MAPK10: variants seen among roughly 807,000 people sequenced by gnomAD.
MAPK10 encodes mitogen-activated protein kinase 10, also known as JNK3 alpha protein kinase.
A neutral mutation model predicts 59.3 loss-of-function variants in MAPK10; 25 were observed. The ratio of observed to expected loss-of-function variants is 0.42; its 90% CI spans 0.31 to 0.59. MAPK10 has a LOEUF of 0.59. MAPK10 is among the 20% of genes least tolerant of loss of function. MAPK10 has a pLI of 0.15. For missense variants in MAPK10, 351 were observed against 568.9 expected (o/e 0.62, Z 3.90); for synonymous variants, 190 against 200.5 (o/e 0.95, Z 0.44).
chr4:86,407,476 C>T (rs1258726617), intron 1 of MAPK10, among the ~76,000 whole-genome samples: 1 of 152,112 alleles, frequency 6.6e-6, no homozygotes, highest in African/African-American at 2.4e-5. Flanking sequence ...GAATGAAAGG[C>T]ACGGCTAGAA....
intron 2 of MAPK10, among the ~76,000 whole-genome samples, chr4:86,196,027 A>G (rs113130106): frequency 0.017 from 2,633 of 152,342 alleles, 100 homozygotes; most frequent in African/African-American, 0.059. Context: ...TGCAATAAAC[A>G]TAAGTGTGCA....
At chr4:86,197,400 C>T (rs1040154268) in intron 2 of MAPK10, among the ~76,000 whole-genome samples, 1 of 152,136 alleles carries the variant, frequency 6.6e-6, no homozygotes, top group African/African-American at 2.4e-5. Context: ...GATTTTTGCA[C>T]ATTAATTTTG....
At chr4:86,172,326 G>A (rs1304228780) in intron 3 of MAPK10, among the ~76,000 whole-genome samples, 2 of 145,992 alleles carry the variant, frequency 1.4e-5, no homozygotes, top group Non-Finnish European at 3.0e-5. Context: ...AACCAACCCA[G>A]ATGTTCAACA....
At chr4:86,326,246 G>A (rs1457865801) in intron 2 of MAPK10, 1 of 152,238 alleles carries the variant, frequency 6.6e-6, no homozygotes, top group African/African-American at 2.4e-5. Flanking sequence ...CACAGGGGCA[G>A]AAGATGAGGC....
At chr4:86,194,014 C>G in intron 3 of MAPK10, 1 of 293,868 alleles carries the variant, frequency 3.4e-6, no homozygotes, top group Non-Finnish European at 6.4e-6. Context: ...TTCCCTGACC[C>G]CTTGCACTTC....
At chr4:86,513,013 C>A (rs1254834615) in intron 1 of MAPK10, among the ~76,000 whole-genome samples, 1 of 152,150 alleles carries the variant, frequency 6.6e-6, no homozygotes, top group African/African-American at 2.4e-5. Flanking sequence ...AGTTAACAAT[C>A]AGAACCTTCT....
At chr4:86,247,488 C>T (rs2093170397) in intron 2 of MAPK10, among the ~76,000 whole-genome samples, 1 of 152,192 alleles carries the variant, frequency 6.6e-6, no homozygotes, top group African/African-American at 2.4e-5. Context: ...TTATTGAGCA[C>T]TTACTCTGTC....
chr4:86,319,747 G>A (rs1680702521), intron 2 of MAPK10, among the ~76,000 whole-genome samples: 1 of 152,146 alleles, frequency 6.6e-6, no homozygotes, highest in South Asian at 2.1e-4. Context: ...ATGTCCCCAG[G>A]GGCAATCTTC....
At chr4:86,512,789 T>C (rs1756375978) in intron 1 of MAPK10, among the ~76,000 whole-genome samples, 1 of 152,206 alleles carries the variant, frequency 6.6e-6, no homozygotes, top group East Asian at 1.9e-4. Flanking sequence ...GGGATAAGTT[T>C]CATGACTGAT....
At position 86,014,306 on chromosome 4, in the gene MAPK10, GTGTGTGTGT is replaced by G; in HGVS notation, c.*2913_*2921del. On this transcript the variant is annotated 3_prime_UTR_variant, in exon 14 of 14. Transcript: ENST00000641462. ...TGACTATTTAAGAAATATTTGGGGT[GTGTGTGTGT>G]GTGTGTGTGTGTGTGTGTGTGTGTG... 1.5e-5 allele frequency: 1 copy of G among 67,230 alleles called. No homozygotes were observed. Among genetic ancestry groups the G allele is most frequent in the African/African-American group, 6.1e-5 (1 of 16,282 alleles). 4.2% of individuals were successfully genotyped at this position (67,230 alleles called of 1,614,324 possible).
At chr4:86,522,864 C>G (rs561646603) in intron 1 of MAPK10, among the ~76,000 whole-genome samples, 1 of 152,350 alleles carries the variant, frequency 6.6e-6, no homozygotes, top group South Asian at 2.1e-4. Context: ...TTGTGACTTA[C>G]AGTTGTTACA....
In MAPK10 at chr4:86,067,923, G is replaced by T; in HGVS notation, c.835C>A (p.Leu279Ile). ...IDQWNKVIEQ[L>I]GTPCPEFMKK... is the part of the protein sequence containing the mutation. Reference sequence around the variant, plus strand: ...ATGAATTCTGGACATGGTGTTCCTAGTTGTTCAATTACCTTATTCCACTGG... The same window carrying T: ...ATGAATTCTGGACATGGTGTTCCTATTTGTTCAATTACCTTATTCCACTGG... The change falls in exon 10 of 14, where the codon CTA becomes ATA. Residue 279 changes from leucine to isoleucine, a missense_variant. Transcript: ENST00000641462. 1 of 1,613,084 alleles carries T rather than the reference G, an allele frequency of 6.2e-7. No individual in the cohort carries two copies. The highest frequency in any genetic ancestry group is 1.7e-5 in the Admixed American group (1 of 59,950).
intron 2 of MAPK10, among the ~76,000 whole-genome samples, chr4:86,269,149 G>A (rs947889626): frequency 2.0e-5 from 3 of 152,074 alleles, no homozygotes; most frequent in Non-Finnish European, 4.4e-5. Flanking sequence ...GTAAATAAAC[G>A]ATTGCCTGCA....
At chr4:86,058,349 C>G (rs1162593522) in intron 11 of MAPK10, among the ~76,000 whole-genome samples, 2 of 149,446 alleles carry the variant, frequency 1.3e-5, no homozygotes, top group Non-Finnish European at 3.0e-5. Flanking sequence ...TGTCCTCCCC[C>G]TTTCTTTAGT....
At chr4:86,223,483 A>T (rs1330096843) in intron 2 of MAPK10, among the ~76,000 whole-genome samples, 2 of 152,226 alleles carry the variant, frequency 1.3e-5, no homozygotes, top group East Asian at 3.9e-4. Context: ...GGAGGCTCTC[A>T]CAGGGCCTGA....
At chr4:86,274,478 T>C (rs2094518077) in intron 2 of MAPK10, among the ~76,000 whole-genome samples, 1 of 151,900 alleles carries the variant, frequency 6.6e-6, no homozygotes, top group Non-Finnish European at 1.5e-5. Flanking sequence ...TGATTGCCAA[T>C]TTTCCCCACA....
intron 1 of MAPK10, among the ~76,000 whole-genome samples, chr4:86,410,165 G>A (rs1358596079): frequency 6.6e-6 from 1 of 152,150 alleles, no homozygotes; most frequent in African/African-American, 2.4e-5. Flanking sequence ...TAATCATGTG[G>A]TTTTTGTCAT....
At chr4:86,548,858 G>A (rs1759519062) in intron 1 of MAPK10, among the ~76,000 whole-genome samples, 6 of 152,064 alleles carry the variant, frequency 3.9e-5, no homozygotes, top group Admixed American at 6.5e-5. Context: ...TCTGTGATAT[G>A]GAAAGACTAA....
chr4:86,269,819 T>C lies in MAPK10; in HGVS notation c.-6-75412A>G, dbSNP rs1336157587. Among the ~76,000 whole-genome samples, 3 of 152,134 alleles carry C rather than the reference T, an allele frequency of 2.0e-5. No homozygotes were observed. In the East Asian group the frequency reaches 5.8e-4, roughly 29 times the overall value. ...CTATGACAACAAATTCAATATTTGG[T>C]GTCACTCCTTAAGAAAAATTATAAT... On this transcript the variant is annotated intron_variant, in intron 2 of 13. Coordinates refer to ENST00000641462, the MANE Select transcript of MAPK10 (RefSeq NM_138982.4).
Sources: gnomAD v4.1 joint callset for allele counts (sites outside exome capture counted in the v4.1 genomes callset) on GRCh38, gnomAD v4.1.1 for gene constraint, MANE v1.5 for transcripts, NCBI Gene and HGNC (gene_info 2026-07-23, HGNC 2026-07-21) for gene names.